The following LUZP2 variants were observed in gnomAD, a reference collection of about 807,000 sequenced individuals.
LUZP2 encodes the protein leucine zipper protein 2.
A neutral mutation model predicts 51.6 loss-of-function variants in LUZP2; 52 were observed. The ratio of observed to expected loss-of-function variants is 1.01; its 90% confidence interval spans 0.81 to 1.27. The LOEUF (loss-of-function observed/expected upper bound fraction) is 1.27, where lower values mean the gene tolerates loss of function less well. Ranked by LOEUF, LUZP2 falls within the 50% of genes most tolerant of loss-of-function variation. The pLI is 0.00. For synonymous variants in LUZP2, 154 were observed against 137.3 expected, an observed-to-expected ratio of 1.12 and a Z score of -0.85; for missense variants, 436 against 395.4, an observed-to-expected ratio of 1.10 and a Z score of -0.87.
chr11:25,059,922 G>T (rs1186355362), intron 10 of LUZP2, among the ~76,000 whole-genome samples: 1 of 152,122 alleles, frequency 6.6e-6, no homozygotes, highest in Non-Finnish European at 1.5e-5. Context: ...TTGACTGAAG[G>T]AAGGGAAAAA....
chr11:24,738,197 A>G, intron 3 of LUZP2, 24 bp from the exon 4 acceptor site: 1 of 1,462,062 alleles, frequency 6.8e-7, no homozygotes, highest in Non-Finnish European at 9.5e-7. Flanking sequence ...TTTCTCACTT[A>G]TGCTCTGTTT....
chr11:24,665,859 A>G (rs1422445238), intron 1 of LUZP2, among the ~76,000 whole-genome samples: 2 of 152,144 alleles, frequency 1.3e-5, no homozygotes, highest in African/African-American at 4.8e-5. Flanking sequence ...TCTTTATAGC[A>G]GTGTGAAAGT....
At chr11:24,590,832 T>G (rs1853234024) in intron 1 of LUZP2, among the ~76,000 whole-genome samples, 1 of 152,202 alleles carries the variant, frequency 6.6e-6, no homozygotes, top group African/African-American at 2.4e-5. Flanking sequence ...CATCATGGAT[T>G]GCACATGTGG....
intron 9 of LUZP2, among the ~76,000 whole-genome samples, chr11:25,001,638 T>C (rs904001473): frequency 2.6e-5 from 4 of 152,182 alleles, no homozygotes; most frequent in African/African-American, 7.2e-5. Context: ...TTTAAATTTA[T>C]CCTGGCTTTT....
chr11:24,970,578 AT>A (rs1238949362), intron 7 of LUZP2, among the ~76,000 whole-genome samples: 6 of 152,158 alleles, frequency 3.9e-5, no homozygotes, highest in Admixed American at 3.9e-4. Flanking sequence ...AACTTCGCAA[AT>A]TTAGCTAGTT....
At chr11:24,972,951 G>T (rs552974491) in intron 7 of LUZP2, among the ~76,000 whole-genome samples, 1 of 152,120 alleles carries the variant, frequency 6.6e-6, no homozygotes, top group African/African-American at 2.4e-5. Flanking sequence ...AAATGCATTG[G>T]GGAGGAGTCC....
chr11:24,762,975 A>C (rs1860035755), intron 4 of LUZP2: 1 of 961,304 alleles, frequency 1.0e-6, no homozygotes, highest in Non-Finnish European at 1.2e-6. Flanking sequence ...TTATCCAGGC[A>C]AGAGAATCAC....
intron 4 of LUZP2, among the ~76,000 whole-genome samples, chr11:24,759,128 G>A (rs968167391): frequency 2.6e-5 from 4 of 152,124 alleles, no homozygotes; most frequent in African/African-American, 7.2e-5. Context: ...GTGTGACCAG[G>A]ATAATTAAAG....
chr11:24,636,842 T>C (rs2133937290), intron 1 of LUZP2, among the ~76,000 whole-genome samples: 1 of 149,496 alleles, frequency 6.7e-6, no homozygotes, highest in African/African-American at 2.6e-5. Context: ...ATTTTTTACA[T>C]GAGGTAATAT....
intron 1 of LUZP2, among the ~76,000 whole-genome samples, chr11:24,590,693 G>A (rs1853229015): frequency 6.6e-6 from 1 of 152,124 alleles, no homozygotes; most frequent in African/African-American, 2.4e-5. Context: ...CATTAAGGCA[G>A]CACTTCAAAA....
At chr11:24,845,378 C>T (rs188720895) in intron 5 of LUZP2, among the ~76,000 whole-genome samples, 99 of 152,176 alleles carry the variant, frequency 6.5e-4, no homozygotes, top group African/African-American at 2.2e-3. Flanking sequence ...AATCTGCTTT[C>T]GATTTTACTG....
chr11:24,700,356 G>A (rs956681255), intron 1 of LUZP2, among the ~76,000 whole-genome samples: 5 of 152,022 alleles, frequency 3.3e-5, no homozygotes, highest in South Asian at 2.1e-4. Context: ...AAGCCACCAC[G>A]CCCGGCTTAT....
intron 9 of LUZP2, among the ~76,000 whole-genome samples, chr11:25,007,193 A>G (rs1856855339): frequency 6.6e-6 from 1 of 152,184 alleles, no homozygotes; most frequent in South Asian, 2.1e-4. Flanking sequence ...AAAGTTCTCC[A>G]AGTCCCCACC....
chr11:25,069,830 T>C (rs1423821159), intron 10 of LUZP2, among the ~76,000 whole-genome samples: 1 of 151,862 alleles, frequency 6.6e-6, no homozygotes, highest in Non-Finnish European at 1.5e-5. Context: ...TTGCAGGAAT[T>C]TCTTATTTTT....
chr11:24,927,794 G>A (rs187733244), intron 7 of LUZP2, among the ~76,000 whole-genome samples: 255 of 151,900 alleles, frequency 1.7e-3, no homozygotes, highest in African/African-American at 5.9e-3. Flanking sequence ...GTATTTTGAT[G>A]GAAATTACAC....
chr11:24,966,720 G>A (rs1408505416), intron 7 of LUZP2, among the ~76,000 whole-genome samples: 1 of 147,174 alleles, frequency 6.8e-6, no homozygotes, highest in African/African-American at 2.5e-5. Context: ...CATATAATGT[G>A]TGTGCATGTG....
chr11:24,954,916 C>T (rs767506198), intron 7 of LUZP2, among the ~76,000 whole-genome samples: 54 of 151,848 alleles, frequency 3.6e-4, no homozygotes, highest in Non-Finnish European at 6.5e-4. Context: ...TGAGTAGGAA[C>T]GGACCAGAAA....
intron 1 of LUZP2, among the ~76,000 whole-genome samples, chr11:24,673,874 C>A (rs1032425869): frequency 6.6e-6 from 1 of 152,156 alleles, no homozygotes; most frequent in Non-Finnish European, 1.5e-5. Context: ...ATATTCACTT[C>A]CTAAACCATC....
At chr11:24,689,720 T>C (rs1205103486) in intron 1 of LUZP2, among the ~76,000 whole-genome samples, 2 of 152,180 alleles carry the variant, frequency 1.3e-5, no homozygotes, top group Non-Finnish European at 2.9e-5. Context: ...CCCCATGTTA[T>C]ATGCCTATAG....
Sources: gnomAD v4.1 joint callset for allele counts (sites outside exome capture counted in the v4.1 genomes callset) on GRCh38, gnomAD v4.1.1 for gene constraint, MANE v1.5 for transcripts, NCBI Gene and HGNC (gene_info 2026-07-23, HGNC 2026-07-21) for gene names.